RYR2: variants seen among roughly 807,000 people sequenced by gnomAD.
RYR2 encodes ryanodine receptor 2, also known as cardiac muscle ryanodine receptor-calcium release channel.
RYR2 carries 227 observed loss-of-function variants against 601.1 expected under a neutral mutation model. That is an observed-to-expected ratio of 0.38 (90% CI 0.34 to 0.42). The LOEUF (loss-of-function observed/expected upper bound fraction) is 0.42, where lower values mean the gene tolerates loss of function less well. Among genes scored for constraint, RYR2 ranks in the 10% least tolerant of loss-of-function variants. The pLI is 1.00. For synonymous variants in RYR2, 2,223 were observed against 2,175.1 expected (o/e 1.02, Z -0.61); for missense variants, 4,646 against 6,156.5 (o/e 0.75, Z 8.21).
chr1:237,525,772 A>G (rs1667515728), intron 24 of RYR2, among the ~76,000 whole-genome samples: 3 of 151,938 alleles, frequency 2.0e-5, no homozygotes, highest in African/African-American at 7.2e-5. Flanking sequence ...CTGAGGTCAG[A>G]TGTTTGAGAC....
rs767728159 is a variant in RYR2, at chr1:237,614,544, G to A, written c.5416G>A (p.Ala1806Thr). The A allele has an allele frequency of 7.4e-6, 12 of 1,613,920 alleles. No individual in the cohort carries two copies. The highest frequency in any genetic ancestry group is 1.0e-5 in the Non-Finnish European group (12 of 1,179,920). ...AGCTGTTAAAGAGGGCAGTCTTCAT[G>A]CCCGGGACCCAGTTGGAGGGACTAC... ...TEAVKEGSLHARDPVGGTTEF... is the reference protein window; with the variant it reads ...TEAVKEGSLHTRDPVGGTTEF... The change falls in exon 37 of 105, where the codon GCC (alanine) becomes ACC (threonine). Residue 1806 changes from alanine to threonine, a missense_variant. Physicochemically the swap from Ala to Thr is moderately conservative, Grantham distance 58 (BLOSUM62 0). This residue lies in a region of RYR2 where 1,807 missense variants were observed against 2,088.1 expected (regional missense o/e 0.87). Transcript: ENST00000366574. This position sits in a 1 kb window ranked among gnomAD's most constrained non-coding sequence, Gnocchi z 4.3.
chr1:237,334,246 A>G (rs368434779), intron 3 of RYR2, among the ~76,000 whole-genome samples: 15 of 152,250 alleles, frequency 9.9e-5, no homozygotes, highest in African/African-American at 3.4e-4. Context: ...GACAAAGTAA[A>G]TCATGAACAT....
chr1:237,369,618 C>T lies in RYR2; in HGVS notation c.384+10C>T. The T allele has an allele frequency of 1.3e-6, 2 of 1,553,638 alleles. No individual in the cohort carries two copies. The highest frequency in any genetic ancestry group is 1.7e-6 in the Non-Finnish European group (2 of 1,146,876). ...TTCCTATAGTGGCATGGTGAGTAGG[C>T]ATTTGATTTCATCTCCCTGTGGTCA... On this transcript the variant is annotated intron_variant, in intron 6 of 104. Transcript: ENST00000366574.
chr1:237,315,525 T>G (rs1264703548), intron 2 of RYR2, among the ~76,000 whole-genome samples: 3 of 152,194 alleles, frequency 2.0e-5, no homozygotes, highest in Non-Finnish European at 2.9e-5. Flanking sequence ...AGATGATAAG[T>G]GTTGTCCTTT....
chr1:237,817,355 T>G (rs986682510), intron 100 of RYR2, among the ~76,000 whole-genome samples: 6 of 152,174 alleles, frequency 3.9e-5, no homozygotes, highest in African/African-American at 1.2e-4. Flanking sequence ...ACATTGTGCT[T>G]TTTAAAGTGT....
chr1:237,660,767 A>G (rs1369604575), intron 55 of RYR2, 43 bp from the exon 56 acceptor site: 3 of 1,489,094 alleles, frequency 2.0e-6, no homozygotes, highest in Non-Finnish European at 2.7e-6. Context: ...ATTTTTATTT[A>G]CATTCATAAT....
At position 237,209,224 on chromosome 1, in the gene RYR2, CT is replaced by C. The variant is rs961520540; in HGVS notation, c.49-61272del. Among the ~76,000 whole-genome samples the C allele has an allele frequency of 8.2e-4, 123 of 150,734 alleles. 1 individual carries two copies. The highest frequency in any genetic ancestry group is 2.9e-3 in the African/African-American group (120 of 41,180). ...GAAAGAGTTTATGCATATAGAAGTG[CT>C]AATGATATATAAAGTTTAAAAAAGA... On this transcript the variant is annotated intron_variant, in intron 1 of 104. Coordinates refer to ENST00000366574, the MANE Select transcript of RYR2 (RefSeq NM_001035.3).
At chr1:237,738,797 C>A (rs1691363739) in intron 79 of RYR2, among the ~76,000 whole-genome samples, 1 of 151,992 alleles carries the variant, frequency 6.6e-6, no homozygotes. Flanking sequence ...CTAATGTGAA[C>A]AGGGATTGAA....
At chr1:237,202,461 G>T (rs1025588537) in intron 1 of RYR2, among the ~76,000 whole-genome samples, 1 of 152,036 alleles carries the variant, frequency 6.6e-6, no homozygotes, top group South Asian at 2.1e-4. Flanking sequence ...AGGCTGGAGT[G>T]CAGTGGCACT....
At chr1:237,666,683 AT>A (rs1684356223) in intron 57 of RYR2, 94 bp downstream of exon 57, 1 of 988,668 alleles carries the variant, frequency 1.0e-6, no homozygotes, top group Admixed American at 2.3e-5. Context: ...AGCATGGTTT[AT>A]TTGAATGTGG....
chr1:237,703,949 G>A (rs1239320874), intron 66 of RYR2, among the ~76,000 whole-genome samples: 1 of 152,082 alleles, frequency 6.6e-6, no homozygotes, highest in Non-Finnish European at 1.5e-5. Context: ...ATATCTGGTA[G>A]AGGAAACCAA....
At chr1:237,127,226 T>C (rs1384133821) in intron 1 of RYR2, among the ~76,000 whole-genome samples, 3 of 151,426 alleles carry the variant, frequency 2.0e-5, no homozygotes, top group South Asian at 4.2e-4. Context: ...CTCAATCTTT[T>C]CCCCACCTTT....
chr1:237,789,165 A>G (rs1417095099), intron 92 of RYR2, among the ~76,000 whole-genome samples: 1 of 152,056 alleles, frequency 6.6e-6, no homozygotes, highest in Non-Finnish European at 1.5e-5. Context: ...TTTAAGAACA[A>G]CAACCCTCAT....
chr1:237,432,856 T>A (rs981517440), intron 12 of RYR2, among the ~76,000 whole-genome samples: 1 of 151,698 alleles, frequency 6.6e-6, no homozygotes, highest in Non-Finnish European at 1.5e-5. Context: ...TCCTTTAGAA[T>A]GCACAATACT....
Position 237,392,943 on chromosome 1 carries a change from C to G in RYR2, c.773+4760C>G, listed in dbSNP as rs567366069. Among the ~76,000 whole-genome samples, 7 of 152,224 alleles carry G rather than the reference C, an allele frequency of 4.6e-5. No individual in the cohort carries two copies. In the South Asian group the frequency reaches 1.4e-3, roughly 32 times the overall value. On this transcript the variant is annotated intron_variant, in intron 10 of 104. Coordinates refer to ENST00000366574, the MANE Select transcript of RYR2 (RefSeq NM_001035.3). ...CACAAAGTTACAAAGTTTATTTTCT[C>G]AAGAAGTTTACATTCTAGTGGGCAT...
chr1:237,071,354 G>A (rs1336730156), intron 1 of RYR2, among the ~76,000 whole-genome samples: 2 of 152,046 alleles, frequency 1.3e-5, no homozygotes, highest in African/African-American at 2.4e-5. Context: ...CTCCTGAGTA[G>A]CTGGGATTAC....
chr1:237,571,129 A>C (rs542856540), intron 29 of RYR2, among the ~76,000 whole-genome samples: 3 of 152,182 alleles, frequency 2.0e-5, no homozygotes, highest in Non-Finnish European at 4.4e-5. Flanking sequence ...CCTTGTCTCA[A>C]AATAATAATA....
At chr1:237,382,164 A>C (rs1029421934) in intron 8 of RYR2, among the ~76,000 whole-genome samples, 1 of 152,212 alleles carries the variant, frequency 6.6e-6, no homozygotes, top group Non-Finnish European at 1.5e-5. Context: ...TAGATTTCCA[A>C]CTGATTTTCT....
chr1:237,488,895 C>G (rs370982620), intron 17 of RYR2, among the ~76,000 whole-genome samples: 1 of 152,088 alleles, frequency 6.6e-6, no homozygotes, highest in Non-Finnish European at 1.5e-5. Context: ...CACGGACGCG[C>G]GTGACAACCA....
Sources: allele counts gnomAD v4.1 joint callset (sites outside exome capture counted in the v4.1 genomes callset), GRCh38; gene constraint gnomAD v4.1.1; regional missense constraint gnomAD v4.1.1; non-coding constraint Gnocchi (gnomAD v3.1); transcripts MANE v1.5; gene names NCBI Gene and HGNC (gene_info 2026-07-23, HGNC 2026-07-21).